STRBP: variants seen among roughly 807,000 people sequenced by gnomAD.
The protein encoded by STRBP is spermatid perinuclear RNA-binding protein.
STRBP carries 13 observed loss-of-function variants against 80.1 expected under a neutral mutation model. The observed-to-expected ratio is 0.16, with a 90% confidence interval of 0.11 to 0.26. The LOEUF is 0.26. STRBP is among the 10% of genes least tolerant of loss of function. The pLI, the probability that STRBP is intolerant of heterozygous loss-of-function variation, is 1.00. For missense variants in STRBP, 485 were observed against 815.2 expected, an observed-to-expected ratio of 0.59 and a Z score of 4.93; for synonymous variants, 284 against 291.2, an observed-to-expected ratio of 0.98 and a Z score of 0.25.
chr9:123,222,560 T>C (rs1283646634), intron 2 of STRBP, among the ~76,000 whole-genome samples: 1 of 152,170 alleles, frequency 6.6e-6, no homozygotes, highest in Admixed American at 6.5e-5. Flanking sequence ...GAGCCACCTA[T>C]ACTAAACTGT....
chr9:123,153,920 A>G (rs2037168464), intron 11 of STRBP, among the ~76,000 whole-genome samples: 2 of 152,230 alleles, frequency 1.3e-5, no homozygotes, highest in Admixed American at 1.3e-4. Context: ...GGAAGATGAG[A>G]AAGAACAAAG....
intron 7 of STRBP, among the ~76,000 whole-genome samples, 191 bp from the exon 8 acceptor site, chr9:123,160,653 A>G (rs749898783): frequency 2.2e-4 from 33 of 152,234 alleles, no homozygotes; most frequent in Non-Finnish European, 4.4e-4. Flanking sequence ...CCATAATATT[A>G]AAATTAATTT....
At chr9:123,161,299 T>C (rs1390827132) in intron 6 of STRBP, among the ~76,000 whole-genome samples, 2 of 152,182 alleles carry the variant, frequency 1.3e-5, no homozygotes, top group South Asian at 2.1e-4. Flanking sequence ...CAATGAAACA[T>C]GAAAAATTCA....
chr9:123,156,149 G>A (rs533685723), intron 11 of STRBP, among the ~76,000 whole-genome samples: 1 of 151,106 alleles, frequency 6.6e-6, no homozygotes, highest in Non-Finnish European at 1.5e-5. Flanking sequence ...ATATAAAACC[G>A]AAAGAGTGGT....
At chr9:123,207,325 C>A (rs896014432) in intron 2 of STRBP, among the ~76,000 whole-genome samples, 5 of 152,130 alleles carry the variant, frequency 3.3e-5, no homozygotes, top group South Asian at 2.1e-4. Context: ...ATACACTGCA[C>A]AGTTTATGAA....
At chr9:123,117,071 A>G (rs1250682327), downstream of STRBP, among the ~76,000 whole-genome samples, 1 of 152,150 alleles carries the variant, frequency 6.6e-6, no homozygotes, top group Admixed American at 6.5e-5. Context: ...ACAACGATCT[A>G]TGCACTGCTG....
At chr9:123,164,557 C>G (rs2037671363) in intron 6 of STRBP, among the ~76,000 whole-genome samples, 1 of 152,146 alleles carries the variant, frequency 6.6e-6, no homozygotes, top group African/African-American at 2.4e-5. Context: ...AGCTAGCTAT[C>G]TGTCCCTGTT....
intron 1 of STRBP, among the ~76,000 whole-genome samples, chr9:123,251,126 T>A (rs2040906019): frequency 6.6e-6 from 1 of 152,170 alleles, no homozygotes; most frequent in African/African-American, 2.4e-5. Flanking sequence ...AGAGAACCTC[T>A]CTGTCTGTCT....
At chr9:123,171,258 G>C (rs780715703) in intron 5 of STRBP, among the ~76,000 whole-genome samples, 7 of 152,126 alleles carry the variant, frequency 4.6e-5, no homozygotes, top group Admixed American at 1.3e-4. Context: ...GTGATTTCTG[G>C]TTTTGGTCAT....
rs750157809 is a variant in STRBP at position 123,136,927 on chromosome 9, G to T, written c.1498-412C>A. On this transcript the variant is annotated intron_variant, in intron 14 of 18. Transcript: ENST00000348403. The surrounding 1 kb of genome is among the most constrained non-coding windows in gnomAD (Gnocchi z 4.2). ...GTTAGGAAGAAATAACTCTCAATTT[G>T]GGATGTTAGAGGGTAAATGTTCCCA... 6.6e-6 allele frequency among the ~76,000 whole-genome samples: 1 copy of T among 152,128 alleles called. No individual in the cohort carries two copies. Among genetic ancestry groups the T allele is most frequent in the Non-Finnish European group, 1.5e-5 (1 of 68,018 alleles).
Position 123,115,575 on chromosome 9 carries a change from C to A in STRBP, c.*84+354G>T. On this transcript the variant is annotated intron_variant and NMD_transcript_variant, in intron 3 of 3. Coordinates refer to the STRBP transcript ENST00000471564. The surrounding 1 kb of genome is among the most constrained non-coding windows in gnomAD (Gnocchi z 5.0). Reference sequence around the variant, plus strand: ...ATTCTGACATTTTCTCCAACTGCTCCTTCTCCCCCATCACAGAGCCTGGTA... The same window carrying A: ...ATTCTGACATTTTCTCCAACTGCTCATTCTCCCCCATCACAGAGCCTGGTA... 2.8e-6 allele frequency: 1 copy of A among 353,878 alleles called. No individual in the cohort carries two copies. The allele number at this position is 353,878 out of a possible 1,614,324, so 21.9% of individuals were successfully genotyped here. A position where few individuals can be genotyped will look rare whatever the true frequency, so the allele number is the denominator to read the frequency against.
chr9:123,168,910 A>C (rs551402283), intron 6 of STRBP, among the ~76,000 whole-genome samples: 7 of 152,334 alleles, frequency 4.6e-5, no homozygotes, highest in African/African-American at 1.7e-4. Flanking sequence ...TACTTTTATG[A>C]GGATGACGCT....
In STRBP at chr9:123,235,490, A is replaced by G. The variant is rs117076763; in HGVS notation, c.-165+1340T>C. Among the ~76,000 whole-genome samples the G allele has an allele frequency of 1.1e-4, 16 of 141,602 alleles. No homozygotes were observed. The East Asian group carries it at 2.8e-3, about 25-fold the overall frequency. The allele number at this position is 141,602 out of a possible 152,430, so 92.9% of individuals were successfully genotyped here. A position where few individuals can be genotyped will look rare whatever the true frequency, so the allele number is the denominator to read the frequency against. The stretch of plus-strand genomic sequence containing the variant: ...TGAAAATCTAATTAAAATCTGTATG[A>G]ACTAAGAGCAACTTCAGGAAAAAAA... On this transcript the variant is annotated intron_variant, in intron 2 of 18. Transcript: ENST00000348403.
intron 1 of STRBP, among the ~76,000 whole-genome samples, chr9:123,252,385 T>C (rs1425164669): frequency 6.6e-6 from 1 of 152,170 alleles, no homozygotes; most frequent in Non-Finnish European, 1.5e-5. Flanking sequence ...GGAAAGGTCT[T>C]ACAGCTAGTA....
chr9:123,256,018 C>CTTTTTTT (rs11338372), intron 1 of STRBP, among the ~76,000 whole-genome samples: 205 of 71,494 alleles, frequency 2.9e-3, no homozygotes, highest in African/African-American at 6.8e-3. Flanking sequence ...TCCTTTCTTT[C>CTTTTTTT]TTTTTTTTTT....
At position 123,184,201 on chromosome 9, in the gene STRBP, C is replaced by CGTCAAG. The variant is rs2038606570; in HGVS notation, c.-68_-67insCTTGAC. 22 of 1,548,568 alleles carry CGTCAAG rather than the reference C, an allele frequency of 1.4e-5. No homozygotes were observed. The highest frequency in any genetic ancestry group is 1.9e-5 in the Non-Finnish European group (21 of 1,131,140). On this transcript the variant is annotated 5_prime_UTR_variant, in exon 3 of 19. It introduces an in-frame stop codon into an upstream open reading frame of the 5' UTR. Coordinates refer to ENST00000348403, the MANE Select transcript of STRBP (RefSeq NM_018387.5). ...CCTCTTTCTTGTCGTCTTCACTAGA[C>CGTCAAG]ACTGTTTTGTGTAACAATACCTCCT... is the stretch of plus-strand genomic sequence containing the variant.
rs560371504 is a variant in STRBP at position 123,126,158 on chromosome 9, G to C, written c.1943-485C>G. Among the ~76,000 whole-genome samples the C allele has an allele frequency of 6.6e-6, 1 of 152,348 alleles. No homozygotes were observed. The highest frequency in any genetic ancestry group is 1.9e-4 in the East Asian group (1 of 5,192). On this transcript the variant is annotated intron_variant, in intron 18 of 18. Coordinates refer to ENST00000348403, the MANE Select transcript of STRBP (RefSeq NM_018387.5). This position sits in a 1 kb window ranked among gnomAD's most constrained non-coding sequence, Gnocchi z 4.4. ...AATATTGGCATGGCAAATCTGGAAA[G>C]ATTAATTACTTTCTGAATTTGTAAT... is the stretch of plus-strand genomic sequence containing the variant.
rs116067995 is a variant in STRBP, at chr9:123,251,849, T to C, written c.-301-14883A>G. Reference sequence around the variant, plus strand: ...CTATAAGCATTTAGTAGGCATTGTATACTTTTCATTCCAGACAACAAAAGC... The same window carrying C: ...CTATAAGCATTTAGTAGGCATTGTACACTTTTCATTCCAGACAACAAAAGC... On this transcript the variant is annotated intron_variant, in intron 1 of 18. Transcript: ENST00000348403. 9.6e-3 allele frequency among the ~76,000 whole-genome samples: 1,459 copies of C among 152,320 alleles called. 22 individuals carry two copies. Among genetic ancestry groups the C allele is most frequent in the African/African-American group, 0.033 (1,368 of 41,574 alleles).
At chr9:123,259,505 G>C (rs573368613) in intron 1 of STRBP, among the ~76,000 whole-genome samples, 2 of 152,218 alleles carry the variant, frequency 1.3e-5, no homozygotes, top group South Asian at 4.1e-4. Context: ...TCCGGAGTTC[G>C]AGACCAGCCT....
Sources: gnomAD v4.1 joint callset for allele counts (sites outside exome capture counted in the v4.1 genomes callset) on GRCh38, gnomAD v4.1.1 for gene constraint, Gnocchi (gnomAD v3.1) non-coding constraint, MANE v1.5 for transcripts, NCBI Gene and HGNC (gene_info 2026-07-23, HGNC 2026-07-21) for gene names.